DGKB: variants seen among roughly 807,000 people sequenced by gnomAD.
DGKB encodes diacylglycerol kinase beta.
DGKB carries 67 observed loss-of-function variants against 114.3 expected under a neutral mutation model. The observed-to-expected ratio is 0.59, with a 90% confidence interval of 0.48 to 0.72. DGKB has a LOEUF of 0.72. DGKB is among the 30% of genes least tolerant of loss of function. DGKB has a pLI of 0.00. For missense variants in DGKB, 907 were observed against 975.2 expected, an observed-to-expected ratio of 0.93 and a Z score of 0.93; for synonymous variants, 398 against 323.1, an observed-to-expected ratio of 1.23 and a Z score of -2.49.
chr7:14,150,766 G>C (rs1020228148), intron 25 of DGKB, among the ~76,000 whole-genome samples: 1 of 152,030 alleles, frequency 6.6e-6, no homozygotes, highest in African/African-American at 2.4e-5. Flanking sequence ...CAATAAGTCA[G>C]CATTAGAGTA....
At chr7:14,647,871 G>A (rs912773806) in intron 13 of DGKB, among the ~76,000 whole-genome samples, 1 of 152,232 alleles carries the variant, frequency 6.6e-6, no homozygotes, top group Non-Finnish European at 1.5e-5. Flanking sequence ...CTGAGTCAAA[G>A]AAAGGGGTGA....
intron 1 of DGKB, among the ~76,000 whole-genome samples, chr7:14,968,033 G>A (rs1197955055): frequency 6.6e-6 from 1 of 152,138 alleles, no homozygotes; most frequent in African/African-American, 2.4e-5. Flanking sequence ...ACTCCATATA[G>A]TAGAGAAATT....
intron 2 of DGKB, among the ~76,000 whole-genome samples, chr7:14,804,186 C>A (rs1842527864): frequency 6.6e-6 from 1 of 151,518 alleles, no homozygotes; most frequent in Admixed American, 6.6e-5. Flanking sequence ...TGGTTATTAT[C>A]AATTTATAGA....
chr7:14,268,464 G>A (rs937170709), intron 23 of DGKB, among the ~76,000 whole-genome samples: 4 of 152,126 alleles, frequency 2.6e-5, no homozygotes, highest in Non-Finnish European at 5.9e-5. Flanking sequence ...CATATGCAAG[G>A]TTATTGATTT....
At position 14,801,098 on chromosome 7, in the gene DGKB, T is replaced by G. The variant is rs575346730; in HGVS notation, c.70+40096A>C. Among the ~76,000 whole-genome samples, 5 of 152,302 alleles carry G rather than the reference T, an allele frequency of 3.3e-5. No homozygotes were observed. The East Asian group carries it at 9.7e-4, about 29-fold the overall frequency. On this transcript the variant is annotated intron_variant, in intron 2 of 25. Coordinates refer to ENST00000402815, the MANE Select transcript of DGKB (RefSeq NM_001350709.2). ...GTGTATGTGCATGTGCATATATATA[T>G]TTGATTCCTTCCCTTTTTTATTCCC...
At chr7:14,588,619 T>C (rs886440828) in intron 17 of DGKB, among the ~76,000 whole-genome samples, 1 of 152,140 alleles carries the variant, frequency 6.6e-6, no homozygotes, top group African/African-American at 2.4e-5. Context: ...CTTTTGGCTG[T>C]AGTGGAGCAC....
At position 14,580,941 on chromosome 7, in the gene DGKB, A is replaced by G. The variant is rs768189967; in HGVS notation, c.1530T>C (p.Asn510=). The G allele has an allele frequency of 6.3e-7, 1 of 1,599,968 alleles. No individual in the cohort carries two copies. Among genetic ancestry groups the G allele is most frequent in the Non-Finnish European group, 8.5e-7 (1 of 1,170,958 alleles). Residue 510 remains asparagine, a synonymous_variant, in exon 19 of 26, where the codon AAT becomes AAC. Transcript: ENST00000402815. ...TCGCAACTGGAGGATGCTTGCCTACATTGGCCTTTTCTGCAGAATAAAAAA... is the reference window on the plus strand; with the variant it reads ...TCGCAACTGGAGGATGCTTGCCTACGTTGGCCTTTTCTGCAGAATAAAAAA... ...GWVLDCIEKA[N]VGKHPPVAIL... is the part of the protein sequence containing the mutation.
intron 17 of DGKB, among the ~76,000 whole-genome samples, chr7:14,603,499 G>T (rs1281125889): frequency 6.6e-6 from 1 of 151,958 alleles, no homozygotes; most frequent in African/African-American, 2.4e-5. Context: ...TATATAAAAT[G>T]ATATTTTAAA....
At chr7:14,874,386 T>C (rs904828620) in intron 1 of DGKB, among the ~76,000 whole-genome samples, 29 of 152,188 alleles carry the variant, frequency 1.9e-4, no homozygotes, top group African/African-American at 6.5e-4. Context: ...ATTTTCCACA[T>C]TTCAGATTAA....
At chr7:14,745,270 G>A (rs1432133750) in intron 4 of DGKB, among the ~76,000 whole-genome samples, 3 of 152,082 alleles carry the variant, frequency 2.0e-5, no homozygotes, top group Non-Finnish European at 4.4e-5. Flanking sequence ...TCAAACAATG[G>A]CCCCTTTTAA....
chr7:14,838,901 C>G (rs1476997937), intron 2 of DGKB, among the ~76,000 whole-genome samples: 1 of 152,268 alleles, frequency 6.6e-6, no homozygotes, highest in East Asian at 1.9e-4. Flanking sequence ...TGCCTCACCT[C>G]CCTTCCTCAA....
At chr7:14,274,975 T>TGTTTGTG (rs1562807912) in intron 23 of DGKB, among the ~76,000 whole-genome samples, 15 of 133,892 alleles carry the variant, frequency 1.1e-4, no homozygotes, top group Middle Eastern at 4.0e-3. Context: ...GTGTGTGTGT[T>TGTTTGTG]TGTGTGTGCG....
intron 17 of DGKB, among the ~76,000 whole-genome samples, chr7:14,604,559 G>C (rs1481862939): frequency 6.6e-6 from 1 of 152,084 alleles, no homozygotes; most frequent in Non-Finnish European, 1.5e-5. Flanking sequence ...CCTATTGTTA[G>C]CATTGGAAAA....
At chr7:14,537,748 T>C (rs1792748729) in intron 20 of DGKB, among the ~76,000 whole-genome samples, 1 of 152,144 alleles carries the variant, frequency 6.6e-6, no homozygotes, top group Admixed American at 6.6e-5. Context: ...ATTACTTCGA[T>C]GTGGCACCAA....
chr7:14,757,860 T>C (rs760210046), intron 2 of DGKB, 129 bp from the exon 3 acceptor site: 22 of 527,944 alleles, frequency 4.2e-5, no homozygotes, highest in South Asian at 8.5e-5. Flanking sequence ...AACCAACACA[T>C]AAAATATCTC....
At chr7:14,578,887 C>T (rs1799544624) in intron 19 of DGKB, among the ~76,000 whole-genome samples, 2 of 152,188 alleles carry the variant, frequency 1.3e-5, no homozygotes, top group African/African-American at 4.8e-5. Context: ...TAGGTTCCTG[C>T]ATTATCTGGC....
At chr7:14,671,993 T>C (rs1390466148) in intron 13 of DGKB, among the ~76,000 whole-genome samples, 1 of 152,102 alleles carries the variant, frequency 6.6e-6, no homozygotes, top group African/African-American at 2.4e-5. Flanking sequence ...GGAGGTATTT[T>C]CTTTTCCTCT....
chr7:14,621,437 T>A lies in DGKB; in HGVS notation c.1225A>T (p.Ile409Phe). The A allele has an allele frequency of 2.5e-6, 4 of 1,611,538 alleles. No homozygotes were observed. Among genetic ancestry groups the A allele is most frequent in the Non-Finnish European group, 3.4e-6 (4 of 1,178,658 alleles). Residue 409 changes from isoleucine to phenylalanine, a missense_variant, in exon 15 of 26, where the codon ATT becomes TTT. By Grantham distance (21) the Ile-to-Phe change is conservative (BLOSUM62 0). Around this residue, in one of 3 missense-constraint regions of DGKB, gnomAD observed 814 missense variants for 856.6 expected, o/e 0.95. Transcript: ENST00000402815. ...KSGSQQPNKV[I>F]DKNKMQRANS... ...GCTCTTTGCATTTTATTCTTGTCAA[T>A]CACTTTGTTTGGCTGCTGGGAACCA...
At chr7:14,338,392 AT>A (rs1391695737) in intron 23 of DGKB, 122 bp downstream of exon 23, 2 of 522,920 alleles carry the variant, frequency 3.8e-6, no homozygotes, top group Non-Finnish European at 6.3e-6. Flanking sequence ...ATCCCATAAT[AT>A]GAAAAATACA....
Sources: gnomAD v4.1 joint callset for allele counts (sites outside exome capture counted in the v4.1 genomes callset) on GRCh38, gnomAD v4.1.1 for gene constraint, gnomAD v4.1.1 regional missense constraint, MANE v1.5 for transcripts, NCBI Gene and HGNC (gene_info 2026-07-23, HGNC 2026-07-21) for gene names.